Variants in ITFG1 observed in about 807,000 individuals in gnomAD.
ITFG1 encodes integrin alpha FG-GAP repeat containing 1, also known as T-cell immunomodulatory protein.
In ITFG1, 34 loss-of-function variants were observed where a neutral mutation model predicts 81.8. That is an observed-to-expected ratio of 0.42 (90% CI 0.32 to 0.55). The LOEUF is 0.55. ITFG1 is among the 20% of genes least tolerant of loss of function. The pLI, the probability that ITFG1 is intolerant of heterozygous loss-of-function variation, is 0.17. For missense variants in ITFG1, 672 were observed against 755.4 expected (o/e 0.89, Z 1.29); for synonymous variants, 285 against 270.6 (o/e 1.05, Z -0.52).
intron 10 of ITFG1, among the ~76,000 whole-genome samples, chr16:47,290,351 A>G (rs1420750384): frequency 1.3e-5 from 2 of 152,162 alleles, no homozygotes; most frequent in African/African-American, 4.8e-5. Flanking sequence ...ACAATCTGAA[A>G]GCAATGTTTT....
intron 5 of ITFG1, among the ~76,000 whole-genome samples, chr16:47,437,346 T>C (rs960019558): frequency 1.3e-5 from 2 of 151,956 alleles, no homozygotes; most frequent in Admixed American, 1.3e-4. Flanking sequence ...CATGCATCCA[T>C]AGTCCCGGCT....
chr16:47,458,171 T>C (rs1282766380), intron 2 of ITFG1, among the ~76,000 whole-genome samples: 1 of 152,216 alleles, frequency 6.6e-6, no homozygotes, highest in Non-Finnish European at 1.5e-5. Flanking sequence ...ATTCCCCTCT[T>C]CTAATGGGAC....
intron 3 of ITFG1, among the ~76,000 whole-genome samples, chr16:47,453,469 TA>T (rs918047511): frequency 6.6e-6 from 1 of 152,194 alleles, no homozygotes. Flanking sequence ...AGATGCTGAA[TA>T]AAAGTTAAGC....
intron 3 of ITFG1, 147 bp downstream of exon 3, chr16:47,453,862 AAAAG>A (rs1969418572): frequency 3.3e-6 from 2 of 614,360 alleles, no homozygotes; most frequent in Non-Finnish European, 5.6e-6. Context: ...TCAGGGTTGA[AAAAG>A]AAAAATCAGG....
chr16:47,451,264 TTATATA>T, intron 5 of ITFG1, 126 bp downstream of exon 5: 1 of 552,964 alleles, frequency 1.8e-6, no homozygotes, highest in Non-Finnish European at 3.2e-6. Context: ...TTGAGAAAGC[TTATATA>T]TATTAACCAA....
At chr16:47,202,337 C>T (rs949048001) in intron 14 of ITFG1, 4 of 152,274 alleles carry the variant, frequency 2.6e-5, no homozygotes, top group Admixed American at 2.0e-4. Flanking sequence ...AAGAATTTAA[C>T]GTCGAAAGAA....
At chr16:47,422,236 C>T (rs1968959858) in intron 6 of ITFG1, among the ~76,000 whole-genome samples, 2 of 152,144 alleles carry the variant, frequency 1.3e-5, no homozygotes, top group Non-Finnish European at 2.9e-5. Context: ...AGTTCTAGAT[C>T]CTTGAGGAAT....
intron 14 of ITFG1, among the ~76,000 whole-genome samples, chr16:47,205,749 C>T (rs1018009962): frequency 6.6e-6 from 1 of 152,110 alleles, no homozygotes; most frequent in Non-Finnish European, 1.5e-5. Flanking sequence ...CCACTCCGAT[C>T]GTATCATCAA....
In ITFG1 at chr16:47,302,035, CA is replaced by C. The variant is rs112171675; in HGVS notation, c.1070+9204del. Among the ~76,000 whole-genome samples the C allele has an allele frequency of 3.8e-3, 545 of 142,732 alleles. 14 individuals carry two copies. The highest frequency in any genetic ancestry group is 0.034 in the Admixed American group (484 of 14,308). The allele number at this position is 142,732 out of a possible 152,430, so 93.6% of individuals were successfully genotyped here. On this transcript the variant is annotated intron_variant, in intron 10 of 17. Coordinates refer to ENST00000320640, the MANE Select transcript of ITFG1 (RefSeq NM_030790.5). ...TTGTCTAGTTTCCCCAATGAGTCTT[CA>C]AAAAAAAAAATCTTTATGTTTCTGA...
At chr16:47,341,713 C>T (rs867209271) in intron 8 of ITFG1, among the ~76,000 whole-genome samples, 7 of 152,020 alleles carry the variant, frequency 4.6e-5, no homozygotes, top group African/African-American at 7.3e-5. Context: ...GAGAGATGTA[C>T]ATAACTAAAG....
At chr16:47,255,519 G>C (rs1017529856) in intron 12 of ITFG1, among the ~76,000 whole-genome samples, 7 of 152,162 alleles carry the variant, frequency 4.6e-5, no homozygotes, top group Non-Finnish European at 1.0e-4. Context: ...CTTTGAATTG[G>C]AGTTTCACCT....
intron 4 of ITFG1, 115 bp from the exon 5 acceptor site, chr16:47,451,585 T>C (rs1969390552): frequency 1.6e-6 from 1 of 607,346 alleles, no homozygotes; most frequent in Non-Finnish European, 2.9e-6. Flanking sequence ...TGCTCGCCAG[T>C]ATCTAGTGAT....
At chr16:47,192,447 C>T (rs767299650) in intron 14 of ITFG1, among the ~76,000 whole-genome samples, 3 of 152,180 alleles carry the variant, frequency 2.0e-5, no homozygotes, top group Non-Finnish European at 4.4e-5. Context: ...TTATGAAACA[C>T]TAGAGATTCC....
intron 14 of ITFG1, among the ~76,000 whole-genome samples, chr16:47,177,170 G>A (rs1965039226): frequency 6.6e-6 from 1 of 151,970 alleles, no homozygotes. Context: ...GGGTCTCACT[G>A]TCTTGCCCAA....
intron 14 of ITFG1, among the ~76,000 whole-genome samples, chr16:47,176,049 C>T (rs1295573182): frequency 6.6e-6 from 1 of 152,172 alleles, no homozygotes; most frequent in Non-Finnish European, 1.5e-5. Flanking sequence ...AGCCTGGTTA[C>T]TCTTGTTGAT....
intron 6 of ITFG1, among the ~76,000 whole-genome samples, chr16:47,407,716 G>A (rs1968746894): frequency 6.6e-6 from 1 of 152,152 alleles, no homozygotes; most frequent in Non-Finnish European, 1.5e-5. Context: ...TAAGGGTTGA[G>A]GTGGTTTAGG....
intron 3 of ITFG1, among the ~76,000 whole-genome samples, chr16:47,453,369 C>G (rs550458412): frequency 6.6e-6 from 1 of 152,296 alleles, no homozygotes; most frequent in Non-Finnish European, 1.5e-5. Flanking sequence ...GGTAGACTGA[C>G]TCTCGAACCA....
At chr16:47,264,708 A>G (rs1337849472) in intron 10 of ITFG1, among the ~76,000 whole-genome samples, 1 of 152,120 alleles carries the variant, frequency 6.6e-6, no homozygotes, top group Non-Finnish European at 1.5e-5. Context: ...ATGGTCTCTG[A>G]AAAGCTATAC....
At chr16:47,453,050 A>G (rs953083849) in intron 3 of ITFG1, among the ~76,000 whole-genome samples, 1 of 152,186 alleles carries the variant, frequency 6.6e-6, no homozygotes, top group African/African-American at 2.4e-5. Context: ...AATATTTGCT[A>G]GCTGAGTCTT....
Sources: gnomAD v4.1 joint callset for allele counts (sites outside exome capture counted in the v4.1 genomes callset) on GRCh38, gnomAD v4.1.1 for gene constraint, MANE v1.5 for transcripts, NCBI Gene and HGNC (gene_info 2026-07-23, HGNC 2026-07-21) for gene names.